The following FREM1 variants were observed in gnomAD, a reference collection of about 807,000 sequenced individuals.
FREM1 encodes FRAS1 related extracellular matrix 1.
FREM1 carries 220 observed loss-of-function variants against 210.1 expected under a neutral mutation model. The observed-to-expected ratio is 1.05, with a 90% CI of 0.94 to 1.17. The LOEUF (loss-of-function observed/expected upper bound fraction) is 1.17. Ranked by LOEUF, FREM1 falls within the 50% of genes most tolerant of loss-of-function variation. The pLI, the probability that FREM1 is intolerant of heterozygous loss-of-function variation, is 0.00. For synonymous variants in FREM1, 1,189 were observed against 980.2 expected, an observed-to-expected ratio of 1.21 and a Z score of -3.98; for missense variants, 3,454 against 2,675.5, an observed-to-expected ratio of 1.29 and a Z score of -6.42.
intron 27 of FREM1, among the ~76,000 whole-genome samples, chr9:14,763,502 A>G (rs988493977): frequency 7.9e-5 from 12 of 152,318 alleles, no homozygotes; most frequent in Middle Eastern, 3.4e-3. Flanking sequence ...CTCAAAAAAA[A>G]GAAAGCAAAA....
At chr9:14,789,735 T>C (rs1427109738) in intron 22 of FREM1, among the ~76,000 whole-genome samples, 1 of 152,248 alleles carries the variant, frequency 6.6e-6, no homozygotes, top group Non-Finnish European at 1.5e-5. Flanking sequence ...CAGAATCTTC[T>C]AAAAGTAAGC....
At chr9:14,767,621 G>T (rs1017693593) in intron 27 of FREM1, among the ~76,000 whole-genome samples, 1 of 152,044 alleles carries the variant, frequency 6.6e-6, no homozygotes, top group Non-Finnish European at 1.5e-5. Context: ...CTGTAACTAC[G>T]TTCTGCCTGG....
At position 14,841,568 on chromosome 9, in the gene FREM1, A is replaced by G. The variant is rs753809145; in HGVS notation, c.1760T>C (p.Leu587Pro). 3 of 1,609,522 alleles carry G rather than the reference A, an allele frequency of 1.9e-6. No homozygotes were observed. Among genetic ancestry groups the G allele is most frequent in the South Asian group, 1.1e-5 (1 of 90,514 alleles). Residue 587 changes from leucine (L) to proline (P), a missense_variant, in exon 10 of 37, where the codon CTT (leucine) becomes CCT (proline). Coordinates refer to ENST00000380880, the MANE Select transcript of FREM1 (RefSeq NM_001379081.2). The stretch of plus-strand genomic sequence containing the variant: ...GATTCCATTAAACAAATCCCTCTGA[A>G]GGAAGCCATGGACAGGATAGCCTAT... ...GLIGYPVHGF[L>P]QRDLFNGIIY... is the part of the protein sequence containing the mutation.
In FREM1 at chr9:14,805,135, C is replaced by G; in HGVS notation, c.3292G>C (p.Asp1098His). 1 of 1,570,050 alleles carries G rather than the reference C, an allele frequency of 6.4e-7. No individual in the cohort carries two copies. Among genetic ancestry groups the G allele is most frequent in the Non-Finnish European group, 8.6e-7 (1 of 1,156,706 alleles). ...TAGTTAATGTGAAAAGCGTTCATGT[C>G]TTTCCACTGAAATGAATCTAGAGCA... is the stretch of plus-strand genomic sequence containing the variant. ...GISIDSFQWK[D>H]MNAFHINYVQ... is the part of the protein sequence containing the mutation. The change falls in exon 19 of 37, where the codon GAC (aspartate) becomes CAC (histidine). Residue 1098 changes from aspartate to histidine, a missense_variant. Transcript: ENST00000380880.
At chr9:14,839,822 C>G (rs544204849) in intron 10 of FREM1, among the ~76,000 whole-genome samples, 20 of 152,300 alleles carry the variant, frequency 1.3e-4, no homozygotes, top group African/African-American at 4.6e-4. Flanking sequence ...AAACATAACT[C>G]AGATTGGATA....
rs767594679 is a variant in FREM1 at position 14,775,820 on chromosome 9, A to T, written c.4826T>A (p.Val1609Glu). 1 of 1,612,882 alleles carries T rather than the reference A, an allele frequency of 6.2e-7. No homozygotes were observed. Among genetic ancestry groups the T allele is most frequent in the South Asian group, 1.1e-5 (1 of 91,038 alleles). ...GGTGAATAAAACAGGTTCTTCCCAC[A>T]CTCTCCCATTCACAATAAAGCCTTG... is the stretch of plus-strand genomic sequence containing the variant. ...TNQGFIVNGR[V>E]WEEPVLFTIQ... Residue 1609 changes from valine (V) to glutamate (E), a missense_variant, in exon 25 of 37, where the codon GTG becomes GAG. By Grantham distance (121) the Val-to-Glu change is moderately radical. Coordinates refer to ENST00000380880, the MANE Select transcript of FREM1 (RefSeq NM_001379081.2).
chr9:14,883,979 G>A (rs968601027), intron 1 of FREM1, among the ~76,000 whole-genome samples: 1 of 152,178 alleles, frequency 6.6e-6, no homozygotes, highest in African/African-American at 2.4e-5. Flanking sequence ...AACAAATCCT[G>A]GCGCTTTGGG....
At position 14,855,360 on chromosome 9, in the gene FREM1, T is replaced by C. The variant is rs567807799; in HGVS notation, c.828+2193A>G. Among the ~76,000 whole-genome samples the C allele has an allele frequency of 3.3e-5, 5 of 152,258 alleles. No homozygotes were observed. In the East Asian group the frequency reaches 9.6e-4, roughly 29 times the overall value. ...TATTTGGAAAAAACTGTTCCTTGTA[T>C]TTCATCATATAATAAAATTGTATTT... is the stretch of plus-strand genomic sequence containing the variant. On this transcript the variant is annotated intron_variant, in intron 5 of 36. Transcript: ENST00000380880.
chr9:14,740,594 C>G (rs182964250), intron 35 of FREM1, among the ~76,000 whole-genome samples: 19 of 152,294 alleles, frequency 1.2e-4, no homozygotes, highest in African/African-American at 4.3e-4. Flanking sequence ...GTATTTCTAG[C>G]TGGTATAAAT....
chr9:14,808,047 C>G lies in FREM1; in HGVS notation c.2981G>C (p.Cys994Ser), dbSNP rs1436706318. ...GEAGPFVNGC[C>S]YNGPNPSVPL... ...AACAGATGGATTGGGTCCATTGTAG[C>G]AACAGCCATTCACAAAAGGGCCAGC... Residue 994 changes from cysteine (C) to serine (S), a missense_variant, in exon 17 of 37, where the codon TGC becomes TCC. By Grantham distance (112) the Cys-to-Ser change is moderately radical. Transcript: ENST00000380880. 1 of 1,613,512 alleles carries G rather than the reference C, an allele frequency of 6.2e-7. No homozygotes were observed. The highest frequency in any genetic ancestry group is 8.5e-7 in the Non-Finnish European group (1 of 1,179,680).
chr9:14,894,275 T>A (rs1837328993), intron 1 of FREM1, among the ~76,000 whole-genome samples: 1 of 152,246 alleles, frequency 6.6e-6, no homozygotes, highest in South Asian at 2.1e-4. Context: ...ATGTTATTAA[T>A]GGCTATAATT....
intron 1 of FREM1, among the ~76,000 whole-genome samples, chr9:14,896,005 G>T (rs1319360343): frequency 6.6e-6 from 1 of 152,164 alleles, no homozygotes; most frequent in Non-Finnish European, 1.5e-5. Flanking sequence ...CTACTGGGCT[G>T]CATTCCTAGA....
Position 14,851,369 on chromosome 9 carries a change from G to C in FREM1, c.1067C>G (p.Ser356Cys), listed in dbSNP as rs771186618. The C allele has an allele frequency of 6.2e-7, 1 of 1,613,804 alleles. No homozygotes were observed. The highest frequency in any genetic ancestry group is 1.1e-5 in the South Asian group (1 of 91,078). The change falls in exon 6 of 37, where the codon TCC becomes TGC. Residue 356 changes from serine (S) to cysteine (C), a missense_variant. Ser to Cys is a moderately radical substitution (Grantham distance 112). Transcript: ENST00000380880. ...ACTGAGATCTTTCCAGGTGAATGAG[G>C]AGATTGGTCTGGTGTGATCCAACAG... ...THLLDHTRPI[S>C]SFTWKDLSDM...
rs139345718 is a variant in FREM1, at chr9:14,888,987, T to C, written c.-267-19743A>G. The stretch of plus-strand genomic sequence containing the variant: ...CCCTTTTTATTAACATAATGTTCTA[T>C]TGTAAGCATTTTCTGTATTACTAAA... On this transcript the variant is annotated intron_variant, in intron 1 of 36. Coordinates refer to ENST00000380880, the MANE Select transcript of FREM1 (RefSeq NM_001379081.2). 3.3e-3 allele frequency among the ~76,000 whole-genome samples: 501 copies of C among 152,336 alleles called. 4 individuals carry two copies. The highest frequency in any genetic ancestry group is 0.025 in the East Asian group (129 of 5,184).
At chr9:14,772,440 A>G (rs1847738712) in intron 25 of FREM1, among the ~76,000 whole-genome samples, 1 of 152,178 alleles carries the variant, frequency 6.6e-6, no homozygotes, top group South Asian at 2.1e-4. Context: ...TTCATAACAC[A>G]TGAAGATGGA....
chr9:14,786,657 G>C (rs536925720), intron 23 of FREM1, among the ~76,000 whole-genome samples: 2 of 152,188 alleles, frequency 1.3e-5, no homozygotes, highest in Admixed American at 6.5e-5. Context: ...CTGCAATAAA[G>C]AATCCTCCAT....
intron 10 of FREM1, among the ~76,000 whole-genome samples, chr9:14,827,543 T>C (rs112612666): frequency 0.015 from 2,243 of 152,266 alleles, 63 homozygotes; most frequent in African/African-American, 0.049. Flanking sequence ...ACTTAAAGAT[T>C]TGAAAAATTC....
chr9:14,843,844 CA>C (rs1826130216), intron 8 of FREM1, among the ~76,000 whole-genome samples: 1 of 152,152 alleles, frequency 6.6e-6, no homozygotes, highest in African/African-American at 2.4e-5. Flanking sequence ...CCAGTGTTAT[CA>C]AGCCTATTTG....
intron 1 of FREM1, among the ~76,000 whole-genome samples, chr9:14,898,673 C>T (rs1267186853): frequency 6.6e-6 from 1 of 152,112 alleles, no homozygotes; most frequent in Non-Finnish European, 1.5e-5. Flanking sequence ...ACCCAAGAGG[C>T]GGAGGTTGCA....
Sources: allele counts gnomAD v4.1 joint callset (sites outside exome capture counted in the v4.1 genomes callset), GRCh38; gene constraint gnomAD v4.1.1; transcripts MANE v1.5; gene names NCBI Gene and HGNC (gene_info 2026-07-23, HGNC 2026-07-21).